ADGRL3: variants seen among roughly 807,000 people sequenced by gnomAD.
ADGRL3 encodes the protein calcium-independent alpha-latrotoxin receptor 3.
Under a neutral mutation model 153.5 loss-of-function variants are expected in ADGRL3, and 62 were observed. That is an observed-to-expected ratio of 0.40 (90% confidence interval 0.33 to 0.50). The LOEUF (loss-of-function observed/expected upper bound fraction) is 0.50. ADGRL3 is among the 20% of genes least tolerant of loss of function. The probability of loss-of-function intolerance (pLI) is 0.47; values close to 1 mark genes in which losing one functional copy is unlikely to be tolerated. For missense variants in ADGRL3, 1,641 were observed against 1,859.4 expected (o/e 0.88, Z 2.16); for synonymous variants, 710 against 672.5 (o/e 1.06, Z -0.86).
chr4:61,672,909 A>T (rs1009260196), intron 5 of ADGRL3, among the ~76,000 whole-genome samples: 1 of 152,038 alleles, frequency 6.6e-6, no homozygotes, highest in Non-Finnish European at 1.5e-5. Context: ...AATAAATAAG[A>T]TAAATATAAT....
intron 4 of ADGRL3, among the ~76,000 whole-genome samples, chr4:61,548,931 A>G (rs1196798823): frequency 1.3e-5 from 2 of 152,020 alleles, no homozygotes; most frequent in East Asian, 3.9e-4. Flanking sequence ...TTTGGGCAAT[A>G]TGGGTGTTTT....
intron 8 of ADGRL3, among the ~76,000 whole-genome samples, chr4:61,751,076 A>G (rs543183958): frequency 3.7e-4 from 56 of 152,266 alleles, no homozygotes; most frequent in African/African-American, 1.3e-3. Flanking sequence ...TGAGAACCCT[A>G]TAGTGAAGTG....
chr4:61,562,259 G>A (rs1352642723), intron 4 of ADGRL3, among the ~76,000 whole-genome samples: 1 of 152,140 alleles, frequency 6.6e-6, no homozygotes, highest in East Asian at 1.9e-4. Flanking sequence ...TTTGGATGGT[G>A]GAGGATCTTT....
chr4:61,279,766 A>G (rs2093639523), intron 1 of ADGRL3, among the ~76,000 whole-genome samples: 1 of 152,066 alleles, frequency 6.6e-6, no homozygotes, highest in Non-Finnish European at 1.5e-5. Context: ...ATCCACCGCC[A>G]TGCCCCATGA....
At chr4:61,506,722 G>T (rs1234513572) in intron 3 of ADGRL3, among the ~76,000 whole-genome samples, 1 of 151,982 alleles carries the variant, frequency 6.6e-6, no homozygotes, top group Non-Finnish European at 1.5e-5. Context: ...AGTTAAAAAG[G>T]GTAAATTCAG....
At chr4:61,460,471 A>T (rs1220546426) in intron 2 of ADGRL3, among the ~76,000 whole-genome samples, 1 of 152,010 alleles carries the variant, frequency 6.6e-6, no homozygotes, top group African/African-American at 2.4e-5. Context: ...TCACATTTTC[A>T]CTGACATGTG....
At chr4:61,974,044 T>C (rs1414273409) in intron 17 of ADGRL3, among the ~76,000 whole-genome samples, 3 of 152,136 alleles carry the variant, frequency 2.0e-5, no homozygotes, top group Non-Finnish European at 4.4e-5. Flanking sequence ...CTCGGCTCAC[T>C]GCAACCTCCA....
chr4:61,851,134 C>T (rs1357256818), intron 9 of ADGRL3, among the ~76,000 whole-genome samples: 1 of 151,940 alleles, frequency 6.6e-6, no homozygotes, highest in African/African-American at 2.4e-5. Context: ...TACTTAATAT[C>T]CAAGTCTTTT....
At chr4:61,569,490 C>G (rs1318459047) in intron 4 of ADGRL3, among the ~76,000 whole-genome samples, 2 of 152,088 alleles carry the variant, frequency 1.3e-5, no homozygotes, top group Admixed American at 1.3e-4. Flanking sequence ...TCCAGCTACT[C>G]AGGAAGCTTA....
chr4:61,667,061 T>C (rs896525406), intron 5 of ADGRL3, among the ~76,000 whole-genome samples: 1 of 152,174 alleles, frequency 6.6e-6, no homozygotes, highest in Admixed American at 6.5e-5. Context: ...TTTGGATGCA[T>C]CGTTCTATGA....
intron 9 of ADGRL3, among the ~76,000 whole-genome samples, chr4:61,818,744 AT>A (rs2097717081): frequency 6.6e-6 from 1 of 152,072 alleles, no homozygotes; most frequent in Admixed American, 6.6e-5. Context: ...TCTACTTCTT[AT>A]TCGATTTAGG....
intron 3 of ADGRL3, among the ~76,000 whole-genome samples, chr4:61,502,503 C>A (rs62303961): frequency 0.023 from 3,309 of 144,686 alleles, 55 homozygotes; most frequent in Non-Finnish European, 0.037. Context: ...TTTTTTTCTG[C>A]AATTCTATTG....
intron 1 of ADGRL3, among the ~76,000 whole-genome samples, chr4:61,219,384 T>A (rs1744339256): frequency 6.6e-6 from 1 of 152,200 alleles, no homozygotes; most frequent in Non-Finnish European, 1.5e-5. Context: ...TAACTAGAAT[T>A]TTTAATATGT....
chr4:61,346,308 TAC>T (rs10693257), intron 1 of ADGRL3, among the ~76,000 whole-genome samples: 13,202 of 144,114 alleles, frequency 0.092, 638 homozygotes, highest in African/African-American at 0.13. Context: ...TGTCACAGTC[TAC>T]ACACACACAC....
At chr4:61,276,876 G>A (rs575277452) in intron 1 of ADGRL3, among the ~76,000 whole-genome samples, 3 of 152,068 alleles carry the variant, frequency 2.0e-5, no homozygotes, top group Admixed American at 6.6e-5. Flanking sequence ...TATCAGAGTA[G>A]ACATCATAAT....
intron 11 of ADGRL3, among the ~76,000 whole-genome samples, chr4:61,909,069 T>C (rs1372733259): frequency 6.6e-6 from 1 of 152,218 alleles, no homozygotes; most frequent in Non-Finnish European, 1.5e-5. Context: ...AGTAAGAAGA[T>C]GAAAATCACT....
intron 2 of ADGRL3, among the ~76,000 whole-genome samples, chr4:61,400,182 G>T (rs961349208): frequency 6.6e-6 from 1 of 151,672 alleles, no homozygotes; most frequent in Non-Finnish European, 1.5e-5. Context: ...TATTTGCATG[G>T]TTAATGTATC....
intron 1 of ADGRL3, among the ~76,000 whole-genome samples, chr4:61,240,805 G>T (rs1263454955): frequency 6.6e-6 from 1 of 151,960 alleles, no homozygotes; most frequent in Non-Finnish European, 1.5e-5. Flanking sequence ...TGTTTCATGA[G>T]GGATGAACCT....
chr4:61,221,488 A>G (rs909799734), intron 1 of ADGRL3, among the ~76,000 whole-genome samples: 4 of 152,164 alleles, frequency 2.6e-5, no homozygotes, highest in Non-Finnish European at 5.9e-5. Flanking sequence ...GAGACATACA[A>G]TTTTAAACCT....
Sources: allele counts gnomAD v4.1 joint callset (sites outside exome capture counted in the v4.1 genomes callset), GRCh38; gene constraint gnomAD v4.1.1; transcripts MANE v1.5; gene names NCBI Gene and HGNC (gene_info 2026-07-23, HGNC 2026-07-21).